LYRM4: variants seen among roughly 807,000 people sequenced by gnomAD.
LYRM4 encodes LYR motif-containing protein 4.
A neutral mutation model predicts 11.7 loss-of-function variants in LYRM4; 9 were observed. The observed-to-expected ratio is 0.77, with a 90% CI of 0.46 to 1.34. LYRM4 has a LOEUF of 1.34. LYRM4 is among the 40% of genes most tolerant of loss of function. LYRM4 has a pLI of 0.00. For missense variants in LYRM4, 133 were observed against 112.5 expected, an observed-to-expected ratio of 1.18 and a Z score of -0.82; for synonymous variants, 42 against 40.4, an observed-to-expected ratio of 1.04 and a Z score of -0.15.
At chr6:5,188,212 A>G (rs777632075) in intron 2 of LYRM4, among the ~76,000 whole-genome samples, 8 of 152,056 alleles carry the variant, frequency 5.3e-5, no homozygotes, top group Non-Finnish European at 1.0e-4. Flanking sequence ...GAACAAAGAA[A>G]CAAACAAAAA....
intron 1 of LYRM4, among the ~76,000 whole-genome samples, chr6:5,255,906 A>G (rs1561906486): frequency 6.6e-6 from 1 of 152,326 alleles, no homozygotes; most frequent in African/African-American, 2.4e-5. Flanking sequence ...GTATTCCTAG[A>G]TAATTCATCT....
intron 1 of LYRM4, among the ~76,000 whole-genome samples, chr6:5,247,165 G>A (rs947987735): frequency 1.6e-4 from 24 of 151,832 alleles, no homozygotes; most frequent in African/African-American, 5.8e-4. Flanking sequence ...TACCCCCATT[G>A]GGAATTTACC....
chr6:5,251,407 A>G (rs966661353), intron 1 of LYRM4, among the ~76,000 whole-genome samples: 5 of 152,184 alleles, frequency 3.3e-5, no homozygotes, highest in Non-Finnish European at 7.3e-5. Flanking sequence ...ACAGTTCTGC[A>G]GGCTGTACAG....
intron 1 of LYRM4, among the ~76,000 whole-genome samples, chr6:5,222,764 G>GAAAAAAAAAAAAAA (rs56295961): frequency 3.6e-5 from 5 of 139,970 alleles, no homozygotes; most frequent in Non-Finnish European, 6.1e-5. Context: ...AGCAAAACAA[G>GAAAAAAAAAAAAAA]AAAAAAAAAA....
At chr6:5,086,703 CTT>C in the LYRM4 span, 2 of 707,944 alleles carry the variant, frequency 2.8e-6, no homozygotes. Context: ...AGGAGGGAGA[CTT>C]TGAACCGTCG....
intron 2 of LYRM4, among the ~76,000 whole-genome samples, chr6:5,199,901 A>G (rs1480899013): frequency 6.6e-6 from 1 of 152,212 alleles, no homozygotes; most frequent in African/African-American, 2.4e-5. Flanking sequence ...GAGAGTTGAT[A>G]CTGAGAACAA....
chr6:5,096,266 G>A, the LYRM4 span, among the ~76,000 whole-genome samples: 1 of 152,164 alleles, frequency 6.6e-6, no homozygotes, highest in Non-Finnish European at 1.5e-5. Context: ...GAGGTGGGAG[G>A]ATTGCTTGAG....
At position 5,109,238 on chromosome 6, in the gene LYRM4, G is replaced by A; in HGVS notation, c.*185C>T. Reference sequence around the variant, plus strand: ...CTCTCCATTCTAACACTTGAACCAAGGAAAGACAGCAGTCCTTTTTCACTA... The same window carrying A: ...CTCTCCATTCTAACACTTGAACCAAAGAAAGACAGCAGTCCTTTTTCACTA... On this transcript the variant is annotated 3_prime_UTR_variant, in exon 3 of 3. Coordinates refer to ENST00000330636, the MANE Select transcript of LYRM4 (RefSeq NM_020408.6). 6.9e-7 allele frequency: 1 copy of A among 1,448,922 alleles called. No individual in the cohort carries two copies. The allele number at this position is 1,448,922 out of a possible 1,614,324, so 89.8% of individuals were successfully genotyped here.
rs908224446 is a variant in LYRM4 at position 5,195,437 on chromosome 6, C to T, written c.207+21181G>A. Reference sequence around the variant, plus strand: ...CCAGCCTGGCCAACATGGTGAAACCCCATCTCTACAAAAAAAAAAGAAACA... The same window carrying T: ...CCAGCCTGGCCAACATGGTGAAACCTCATCTCTACAAAAAAAAAAGAAACA... On this transcript the variant is annotated intron_variant, in intron 2 of 2. Coordinates refer to ENST00000330636, the MANE Select transcript of LYRM4 (RefSeq NM_020408.6). 3.3e-5 allele frequency among the ~76,000 whole-genome samples: 5 copies of T among 151,866 alleles called. No individual in the cohort carries two copies. In the South Asian group the frequency reaches 6.2e-4, roughly 19 times the overall value.
chr6:5,175,532 T>C (rs1002781706), intron 2 of LYRM4, among the ~76,000 whole-genome samples: 8 of 151,872 alleles, frequency 5.3e-5, no homozygotes, highest in Non-Finnish European at 1.0e-4. Context: ...AAGAAGAAAA[T>C]CAGGAAAAAC....
intron 2 of LYRM4, among the ~76,000 whole-genome samples, chr6:5,115,508 T>C (rs1002066028): frequency 3.3e-5 from 5 of 152,286 alleles, no homozygotes; most frequent in Admixed American, 2.0e-4. Flanking sequence ...AAAGCCCCCA[T>C]TACAGCAGTT....
chr6:5,156,462 C>T (rs1374096962), intron 2 of LYRM4, among the ~76,000 whole-genome samples: 1 of 152,198 alleles, frequency 6.6e-6, no homozygotes, highest in Non-Finnish European at 1.5e-5. Context: ...ACAGTGGCAG[C>T]CAATCCACTG....
intron 2 of LYRM4, among the ~76,000 whole-genome samples, chr6:5,183,222 A>G (rs1357231292): frequency 6.6e-6 from 1 of 152,206 alleles, no homozygotes. Flanking sequence ...AGAGAAAATA[A>G]AAGTACTGTG....
At chr6:5,047,474 C>T in the LYRM4 span, among the ~76,000 whole-genome samples, 17 of 152,330 alleles carry the variant, frequency 1.1e-4, no homozygotes, top group African/African-American at 3.8e-4. Context: ...GATGAGGTCT[C>T]CTCATATTCC....
At chr6:5,219,909 G>A (rs916159775) in intron 1 of LYRM4, among the ~76,000 whole-genome samples, 3 of 152,078 alleles carry the variant, frequency 2.0e-5, no homozygotes, top group East Asian at 3.9e-4. Flanking sequence ...AAAAACTAAC[G>A]CAGAAAGGGC....
chr6:5,214,816 G>T (rs1762180329), intron 2 of LYRM4, among the ~76,000 whole-genome samples: 1 of 152,226 alleles, frequency 6.6e-6, no homozygotes, highest in African/African-American at 2.4e-5. Context: ...AAACTTCCCA[G>T]CTGCTGCTGT....
intron 2 of LYRM4, among the ~76,000 whole-genome samples, chr6:5,158,317 T>C (rs1758538746): frequency 6.6e-6 from 1 of 152,144 alleles, no homozygotes; most frequent in African/African-American, 2.4e-5. Flanking sequence ...CTTGGGCAAG[T>C]ATTCTTGGCA....
intron 2 of LYRM4, among the ~76,000 whole-genome samples, chr6:5,112,851 C>T (rs962412413): frequency 5.3e-5 from 8 of 152,146 alleles, no homozygotes; most frequent in East Asian, 3.9e-4. Context: ...GCCCATGACA[C>T]GATTGGACGT....
the LYRM4 span, among the ~76,000 whole-genome samples, chr6:5,074,292 T>G: frequency 7.2e-5 from 11 of 152,206 alleles, no homozygotes; most frequent in Non-Finnish European, 1.6e-4. Context: ...GAAGCCATTA[T>G]TACTGACTAG....
Sources: allele counts gnomAD v4.1 joint callset (sites outside exome capture counted in the v4.1 genomes callset), GRCh38; gene constraint gnomAD v4.1.1; transcripts MANE v1.5; gene names NCBI Gene and HGNC (gene_info 2026-07-23, HGNC 2026-07-21).